Variants in LNX1 observed in about 807,000 individuals in gnomAD.
The protein encoded by LNX1 is E3 ubiquitin-protein ligase LNX.
A neutral mutation model predicts 68.4 loss-of-function variants in LNX1; 54 were observed. The observed-to-expected ratio is 0.79, with a 90% CI of 0.63 to 0.99. The LOEUF (loss-of-function observed/expected upper bound fraction) is 0.99, where lower values mean the gene tolerates loss of function less well. LNX1 is among the 50% of genes least tolerant of loss of function. The probability of loss-of-function intolerance (pLI) is 0.00; values close to 1 mark genes in which losing one functional copy is unlikely to be tolerated. For synonymous variants in LNX1, 336 were observed against 350.0 expected (o/e 0.96, Z 0.45); for missense variants, 906 against 926.4 (o/e 0.98, Z 0.29).
rs200184950 is a variant in LNX1, at chr4:53,496,348, C to T, written c.1025G>A (p.Arg342His). The T allele has an allele frequency of 2.8e-4, 452 of 1,614,094 alleles. 1 individual carries two copies. In the East Asian group the frequency reaches 8.8e-3, roughly 31 times the overall value. The stretch of plus-strand genomic sequence containing the variant: ...CACCTGGCAGGGCTGCCGCAGGAGA[C>T]GCACAGCGTAGTTGTGAGGGACATT... ...ISNVPHNYAVRLLRQPCQVLW... is the reference protein window; with the variant it reads ...ISNVPHNYAVHLLRQPCQVLW... The change falls in exon 6 of 11, where the codon CGT becomes CAT. Residue 342 changes from arginine (R) to histidine (H), a missense_variant. Arg to His is a conservative substitution (Grantham distance 29, BLOSUM62 0). Coordinates refer to ENST00000263925, the MANE Select transcript of LNX1 (RefSeq NM_001126328.3).
chr4:53,512,834 G>T (rs1726454281), intron 2 of LNX1, among the ~76,000 whole-genome samples: 1 of 152,148 alleles, frequency 6.6e-6, no homozygotes, highest in Non-Finnish European at 1.5e-5. Flanking sequence ...AACTTTGCTT[G>T]AGGTGGGGTT....
At chr4:53,493,033 G>A (rs1046874670) in intron 6 of LNX1, among the ~76,000 whole-genome samples, 12 of 152,008 alleles carry the variant, frequency 7.9e-5, no homozygotes, top group Admixed American at 6.5e-4. Context: ...GCAGTGGTGC[G>A]ATCTTGGCTC....
chr4:53,613,314 C>T (rs1733563862), intron 2 of LNX1, among the ~76,000 whole-genome samples: 1 of 151,774 alleles, frequency 6.6e-6, no homozygotes, highest in African/African-American at 2.4e-5. Flanking sequence ...TTGAGGGTTT[C>T]TGTTTCACAG....
chr4:53,632,202 T>G (rs1245082852), intron 1 of LNX1, among the ~76,000 whole-genome samples: 1 of 152,168 alleles, frequency 6.6e-6, no homozygotes, highest in Non-Finnish European at 1.5e-5. Flanking sequence ...TCTTTGGAAC[T>G]GACATCAGCA....
intron 2 of LNX1, chr4:53,558,127 G>T: frequency 7.0e-7 from 1 of 1,430,854 alleles, no homozygotes; most frequent in South Asian, 1.5e-5. Context: ...AATAAATCAC[G>T]GGCCCGTAAG....
chr4:53,521,350 C>T (rs1348820413), intron 2 of LNX1, among the ~76,000 whole-genome samples: 1 of 152,172 alleles, frequency 6.6e-6, no homozygotes, highest in Non-Finnish European at 1.5e-5. Context: ...CATTTGAAAA[C>T]ATTTCCTCCG....
chr4:53,596,121 C>T (rs112296992), upstream of LNX1, among the ~76,000 whole-genome samples: 1,568 of 152,166 alleles, frequency 0.01, 27 homozygotes, highest in African/African-American at 0.035. Context: ...CTTAGCATAA[C>T]GCAGATGAGC....
intron 4 of LNX1, among the ~76,000 whole-genome samples, chr4:53,504,017 C>T (rs532144897): frequency 2.6e-5 from 4 of 152,192 alleles, no homozygotes; most frequent in African/African-American, 9.7e-5. Flanking sequence ...CGCCTGTAAT[C>T]CCAGCTACTT....
chr4:53,571,413 TCA>T (rs1270448315), intron 2 of LNX1, among the ~76,000 whole-genome samples: 1 of 151,964 alleles, frequency 6.6e-6, no homozygotes, highest in Non-Finnish European at 1.5e-5. Context: ...GGCAGGAGTC[TCA>T]GAGTCACAGA....
At chr4:53,637,591 T>C (rs1351068436) in intron 1 of LNX1, among the ~76,000 whole-genome samples, 1 of 152,208 alleles carries the variant, frequency 6.6e-6, no homozygotes, top group Non-Finnish European at 1.5e-5. Flanking sequence ...TAGGCTTGTT[T>C]CATTACTACA....
intron 1 of LNX1, among the ~76,000 whole-genome samples, chr4:53,650,521 T>G (rs2109897639): frequency 6.6e-6 from 1 of 152,258 alleles, no homozygotes; most frequent in South Asian, 2.1e-4. Context: ...GAAAACTCTG[T>G]GGTGTTGGAT....
chr4:53,598,364 C>A (rs1732849833), intron 2 of LNX1, among the ~76,000 whole-genome samples: 1 of 151,898 alleles, frequency 6.6e-6, no homozygotes, highest in South Asian at 2.1e-4. Context: ...TCCCAAGTAC[C>A]TGGGACTACA....
intron 1 of LNX1, among the ~76,000 whole-genome samples, chr4:53,583,083 C>G (rs1182516392): frequency 6.6e-6 from 1 of 152,120 alleles, no homozygotes; most frequent in African/African-American, 2.4e-5. Flanking sequence ...AGTAAATGTA[C>G]AATTACATTT....
intron 2 of LNX1, among the ~76,000 whole-genome samples, chr4:53,514,415 G>C (rs1357977123): frequency 6.6e-6 from 1 of 152,198 alleles, no homozygotes; most frequent in Non-Finnish European, 1.5e-5. Context: ...GTCCCACCTG[G>C]CTGGGGAGGC....
chr4:53,508,290 C>A (rs1441635937), intron 2 of LNX1, 63 bp from the exon 3 acceptor site: 3 of 1,577,378 alleles, frequency 1.9e-6, no homozygotes, highest in Non-Finnish European at 2.6e-6. Context: ...CCTCAGTCAG[C>A]CCTCTTCAAA....
intron 1 of LNX1, among the ~76,000 whole-genome samples, chr4:53,580,701 A>G (rs1731778332): frequency 1.3e-5 from 2 of 152,240 alleles, no homozygotes; most frequent in South Asian, 4.1e-4. Context: ...ATGTAGTGGC[A>G]TTAGGTGGAT....
At chr4:53,471,560 C>T (rs1244445608) in intron 9 of LNX1, among the ~76,000 whole-genome samples, 1 of 152,040 alleles carries the variant, frequency 6.6e-6, no homozygotes, top group Non-Finnish European at 1.5e-5. Flanking sequence ...AGGCAACCTA[C>T]AGAATGGGAG....
intron 2 of LNX1, among the ~76,000 whole-genome samples, chr4:53,572,631 G>T (rs760444314): frequency 6.6e-6 from 1 of 152,136 alleles, no homozygotes; most frequent in Non-Finnish European, 1.5e-5. Context: ...CAAAATAATT[G>T]TGGTATGATT....
At chr4:53,577,069 G>C (rs1440432700) in intron 1 of LNX1, among the ~76,000 whole-genome samples, 1 of 152,210 alleles carries the variant, frequency 6.6e-6, no homozygotes, top group Admixed American at 6.5e-5. Flanking sequence ...GGTGCAGGAG[G>C]GGGTAAAGTT....
Sources: gnomAD v4.1 joint callset for allele counts (sites outside exome capture counted in the v4.1 genomes callset) on GRCh38, gnomAD v4.1.1 for gene constraint, MANE v1.5 for transcripts, NCBI Gene and HGNC (gene_info 2026-07-23, HGNC 2026-07-21) for gene names.